PALD1: variants seen among roughly 807,000 people sequenced by gnomAD.
PALD1 encodes the protein phosphatase domain containing paladin 1.
A neutral mutation model predicts 96.0 loss-of-function variants in PALD1; 57 were observed. The observed-to-expected ratio is 0.59, with a 90% CI of 0.48 to 0.74. PALD1 has a LOEUF of 0.74. Among genes scored for constraint, PALD1 ranks in the 30% least tolerant of loss-of-function variants. The pLI is 0.00. For missense variants in PALD1, 1,063 were observed against 1,143.7 expected (o/e 0.93, Z 1.02); for synonymous variants, 464 against 473.6 (o/e 0.98, Z 0.26).
rs1289214321 is a variant in PALD1 at position 70,490,308 on chromosome 10, A to G, written c.-30+11249A>G. 4.6e-5 allele frequency among the ~76,000 whole-genome samples: 7 copies of G among 151,802 alleles called. No individual in the cohort carries two copies. The East Asian group carries it at 7.7e-4, about 17-fold the overall frequency. On this transcript the variant is annotated intron_variant, in intron 1 of 19. Transcript: ENST00000263563. Reference sequence around the variant, plus strand: ...GCAATCACGGCTCACTGAAGCCTCAACCTCCTGGGCTCAGGTGATCCTCCC... The same window carrying G: ...GCAATCACGGCTCACTGAAGCCTCAGCCTCCTGGGCTCAGGTGATCCTCCC...
the PALD1 span, among the ~76,000 whole-genome samples, chr10:70,470,924 C>G: frequency 1.0e-3 from 156 of 152,240 alleles, no homozygotes; most frequent in African/African-American, 3.4e-3. Context: ...GCCTCAGCCC[C>G]CTGAGTAACT....
chr10:70,535,625 T>C (rs759304768), intron 10 of PALD1, among the ~76,000 whole-genome samples: 43 of 147,074 alleles, frequency 2.9e-4, no homozygotes, highest in Admixed American at 2.4e-3. Flanking sequence ...TTCTCCTCCT[T>C]CTTCTCGTCT....
chr10:70,559,354 T>C (rs10733875), intron 18 of PALD1, among the ~76,000 whole-genome samples: 106,817 of 151,602 alleles, frequency 0.7, 37,647 homozygotes, highest in South Asian at 0.84. Context: ...GAGAGGAGGG[T>C]AGAGGTTATG....
intron 17 of PALD1, among the ~76,000 whole-genome samples, chr10:70,544,431 G>A (rs1847319207): frequency 6.6e-6 from 1 of 152,114 alleles, no homozygotes; most frequent in Admixed American, 6.5e-5. Flanking sequence ...AGGAGGTTGT[G>A]ATCAGGCTCT....
chr10:70,538,843 C>T lies in PALD1; in HGVS notation c.1453-49C>T, dbSNP rs565465033. On this transcript the variant is annotated intron_variant, in intron 12 of 19. Coordinates refer to ENST00000263563, the MANE Select transcript of PALD1 (RefSeq NM_014431.3). ...TTGGGCCAGGTCCTGACCCTTTCTG[C>T]GGCTACAGTCGGCTGCTGTGGGTCC... 30 of 1,509,512 alleles carry T rather than the reference C, an allele frequency of 2.0e-5. No individual in the cohort carries two copies. The South Asian group carries it at 2.0e-4, about 10-fold the overall frequency. 93.5% of individuals were successfully genotyped at this position (1,509,512 alleles called of 1,614,324 possible).
Position 70,478,802 on chromosome 10 carries a change from C to A in PALD1, c.-287C>A, listed in dbSNP as rs1203751048. 6.6e-6 allele frequency: 1 copy of A among 151,474 alleles called. No homozygotes were observed. Among genetic ancestry groups the A allele is most frequent in the Non-Finnish European group, 1.5e-5 (1 of 67,846 alleles). 9.4% of individuals were successfully genotyped at this position (151,474 alleles called of 1,614,324 possible). A position where few individuals can be genotyped will look rare whatever the true frequency, so the allele number is the denominator to read the frequency against. ...AGCGGGGCGCTGGGGAGCAGCGCGG[C>A]GCGCACGGGCCGGGGCGCGCAGGTC... is the stretch of plus-strand genomic sequence containing the variant. On this transcript the variant is annotated 5_prime_UTR_variant, in exon 1 of 20. Transcript: ENST00000263563.
In PALD1 at chr10:70,508,148, G is replaced by A. The variant is rs557745959; in HGVS notation, c.-29-17775G>A. ...AAGAAACAGCAGCATCTTTTCTGTCGCTGGAGGAAAACTGGCTGGGCCAGA... is the reference window on the plus strand; with the variant it reads ...AAGAAACAGCAGCATCTTTTCTGTCACTGGAGGAAAACTGGCTGGGCCAGA... On this transcript the variant is annotated intron_variant, in intron 1 of 19. Transcript: ENST00000263563. Among the ~76,000 whole-genome samples the A allele has an allele frequency of 1.8e-4, 28 of 152,296 alleles. 1 individual carries two copies. The highest frequency in any genetic ancestry group is 4.0e-4 in the Non-Finnish European group (27 of 68,028).
intron 19 of PALD1, among the ~76,000 whole-genome samples, chr10:70,566,103 TG>T (rs1350222605): frequency 6.6e-6 from 1 of 152,056 alleles, no homozygotes; most frequent in African/African-American, 2.4e-5. Context: ...AGAAGGGGAC[TG>T]GTTGTGGATG....
intron 17 of PALD1, among the ~76,000 whole-genome samples, chr10:70,543,159 A>G (rs1005559309): frequency 6.6e-6 from 1 of 151,382 alleles, no homozygotes; most frequent in Admixed American, 6.6e-5. Context: ...GTGATGTTCA[A>G]TATCTTTTTA....
In PALD1 at chr10:70,501,838, T is replaced by TGTGTGTGTGTGTGCAC. The variant is rs57837334; in HGVS notation, c.-30+22780_-30+22781insTGTGTGTGTGTGCACG. The stretch of plus-strand genomic sequence containing the variant: ...CTGTGTGTGTGTGTGTGTGTGTGCG[T>TGTGTGTGTGTGTGCAC]GCGTGCATGCATACCTGTGTTCATG... On this transcript the variant is annotated intron_variant, in intron 1 of 19. Coordinates refer to ENST00000263563, the MANE Select transcript of PALD1 (RefSeq NM_014431.3). Among the ~76,000 whole-genome samples the TGTGTGTGTGTGTGCAC allele has an allele frequency of 3.3e-5, 5 of 150,330 alleles. No homozygotes were observed. In the South Asian group the frequency reaches 1.0e-3, roughly 31 times the overall value.
intron 18 of PALD1, among the ~76,000 whole-genome samples, chr10:70,558,361 C>T (rs1257305338): frequency 1.3e-5 from 2 of 152,122 alleles, no homozygotes. Context: ...GGGGTTGGCA[C>T]AGGCAACCGA....
chr10:70,479,352 C>T (rs1471221803), intron 1 of PALD1, among the ~76,000 whole-genome samples: 1 of 152,182 alleles, frequency 6.6e-6, no homozygotes, highest in African/African-American at 2.4e-5. Context: ...ATTGCCAGAC[C>T]TGGGAGCATG....
At chr10:70,462,538 A>G in the PALD1 span, among the ~76,000 whole-genome samples, 25 of 152,188 alleles carry the variant, frequency 1.6e-4, no homozygotes, top group Non-Finnish European at 3.1e-4. Flanking sequence ...AGCTGGGGAG[A>G]GGCTGCCTAC....
At chr10:70,549,117 C>T (rs936400329) in intron 18 of PALD1, among the ~76,000 whole-genome samples, 2 of 149,080 alleles carry the variant, frequency 1.3e-5, no homozygotes, top group Admixed American at 6.7e-5. Flanking sequence ...TTTCAGAAGA[C>T]GGACTTTGGT....
At chr10:70,464,192 G>T in the PALD1 span, among the ~76,000 whole-genome samples, 2 of 144,304 alleles carry the variant, frequency 1.4e-5, no homozygotes, top group South Asian at 2.2e-4. Context: ...ATCTTATCCT[G>T]TATTCTTGTT....
chr10:70,507,336 CA>C (rs1589183605), intron 1 of PALD1, among the ~76,000 whole-genome samples: 1 of 152,102 alleles, frequency 6.6e-6, no homozygotes, highest in Non-Finnish European at 1.5e-5. Flanking sequence ...CGCTTGAATA[CA>C]GGAGGAGGAG....
chr10:70,541,344 A>G (rs140106803), intron 16 of PALD1, 102 bp downstream of exon 16: 1 of 1,523,776 alleles, frequency 6.6e-7, no homozygotes, highest in Non-Finnish European at 9.0e-7. Context: ...AGGGGCAGAG[A>G]CAGCCGGGTG....
intron 1 of PALD1, among the ~76,000 whole-genome samples, chr10:70,502,613 T>C (rs1846320189): frequency 6.6e-6 from 1 of 152,194 alleles, no homozygotes; most frequent in African/African-American, 2.4e-5. Context: ...TGAAAATGGA[T>C]GGAGCAGTGG....
At chr10:70,550,618 C>A (rs971811168) in intron 18 of PALD1, among the ~76,000 whole-genome samples, 38 of 152,194 alleles carry the variant, frequency 2.5e-4, no homozygotes, top group Admixed American at 4.6e-4. Context: ...AAACCTCACA[C>A]CCGCTAGCAA....
Sources: gnomAD v4.1 joint callset for allele counts (sites outside exome capture counted in the v4.1 genomes callset) on GRCh38, gnomAD v4.1.1 for gene constraint, MANE v1.5 for transcripts, NCBI Gene and HGNC (gene_info 2026-07-23, HGNC 2026-07-21) for gene names.